CCDC171: variants seen among roughly 807,000 people sequenced by gnomAD.
The protein encoded by CCDC171 is coiled-coil domain-containing protein 171.
CCDC171 carries 177 observed loss-of-function variants against 168.2 expected under a neutral mutation model. The ratio of observed to expected loss-of-function variants is 1.05; its 90% CI spans 0.93 to 1.19. CCDC171 has a LOEUF of 1.19. Ranked by LOEUF, CCDC171 falls within the 50% of genes most tolerant of loss-of-function variation. CCDC171 has a pLI of 0.00. For missense variants in CCDC171, 1,991 were observed against 1,539.0 expected, an observed-to-expected ratio of 1.29 and a Z score of -4.91; for synonymous variants, 687 against 540.8, an observed-to-expected ratio of 1.27 and a Z score of -3.75.
At chr9:15,966,062 A>G (rs953306829) in intron 25 of CCDC171, among the ~76,000 whole-genome samples, 8 of 152,230 alleles carry the variant, frequency 5.3e-5, no homozygotes, top group African/African-American at 1.9e-4. Flanking sequence ...GTGCTAGGGT[A>G]CAAAGTCATG....
chr9:15,911,247 G>A (rs553833562), intron 24 of CCDC171, among the ~76,000 whole-genome samples: 17 of 152,272 alleles, frequency 1.1e-4, no homozygotes, highest in African/African-American at 3.4e-4. Context: ...TCCAACTGGC[G>A]TGAGATGGTA....
At chr9:16,076,266 G>A in the CCDC171 span, among the ~76,000 whole-genome samples, 1 of 152,164 alleles carries the variant, frequency 6.6e-6, no homozygotes, top group African/African-American at 2.4e-5. Flanking sequence ...GGTTACGTGG[G>A]CAAGTGCAGA....
chr9:15,928,835 A>G lies in CCDC171; in HGVS notation c.3753+8413A>G, dbSNP rs78064816. On this transcript the variant is annotated intron_variant, in intron 25 of 25. Coordinates refer to ENST00000380701, the MANE Select transcript of CCDC171 (RefSeq NM_173550.4). ...ATTTCCAAACTTTTAAAGGTTTCTC[A>G]TATTCTAGAAACTCAAGAGTTGTTT... is the stretch of plus-strand genomic sequence containing the variant. 6.3e-3 allele frequency among the ~76,000 whole-genome samples: 960 copies of G among 151,792 alleles called. 11 individuals carry two copies. Among genetic ancestry groups the G allele is most frequent in the African/African-American group, 0.022 (924 of 41,518 alleles).
downstream of CCDC171, among the ~76,000 whole-genome samples, chr9:16,064,456 G>A (rs1203441822): frequency 6.6e-6 from 1 of 152,178 alleles, no homozygotes; most frequent in African/African-American, 2.4e-5. Flanking sequence ...AGGAGAAAAT[G>A]TGTGCAGACA....
chr9:15,620,867 A>G (rs1393369876), intron 6 of CCDC171, among the ~76,000 whole-genome samples: 1 of 152,228 alleles, frequency 6.6e-6, no homozygotes, highest in Non-Finnish European at 1.5e-5. Context: ...GCAGTCATCA[A>G]CAAACATTGA....
intron 1 of CCDC171, among the ~76,000 whole-genome samples, chr9:16,056,865 A>G (rs186903600): frequency 6.6e-6 from 1 of 152,366 alleles, no homozygotes; most frequent in East Asian, 1.9e-4. Flanking sequence ...TTAAAGCAAT[A>G]TAAGCATTTA....
At chr9:15,631,500 TA>T (rs2045694366) in intron 7 of CCDC171, among the ~76,000 whole-genome samples, 1 of 152,124 alleles carries the variant, frequency 6.6e-6, no homozygotes, top group Admixed American at 6.6e-5. Flanking sequence ...AATAGACCAA[TA>T]ACAGGCTCTG....
chr9:15,739,179 A>G (rs1034543149), intron 16 of CCDC171, among the ~76,000 whole-genome samples: 6 of 152,250 alleles, frequency 3.9e-5, no homozygotes, highest in Non-Finnish European at 7.3e-5. Flanking sequence ...AATGAGTCAT[A>G]GAATAGACAG....
At chr9:15,578,506 G>A (rs1160472601) in intron 3 of CCDC171, among the ~76,000 whole-genome samples, 2 of 150,566 alleles carry the variant, frequency 1.3e-5, no homozygotes, top group East Asian at 3.9e-4. Flanking sequence ...CTGGGCTTAA[G>A]TGATCCTCCT....
intron 21 of CCDC171, among the ~76,000 whole-genome samples, chr9:15,827,207 C>T (rs2060048756): frequency 6.6e-6 from 1 of 151,964 alleles, no homozygotes. Flanking sequence ...AAATAAATAC[C>T]TTCTTTTTTC....
At chr9:15,800,660 T>C (rs970514071) in intron 21 of CCDC171, among the ~76,000 whole-genome samples, 2 of 152,128 alleles carry the variant, frequency 1.3e-5, no homozygotes, top group African/African-American at 4.8e-5. Flanking sequence ...TCTGTGCTTG[T>C]GCGATATTTC....
At chr9:16,068,047 T>G in the CCDC171 span, among the ~76,000 whole-genome samples, 1 of 150,740 alleles carries the variant, frequency 6.6e-6, no homozygotes, top group African/African-American at 2.5e-5. Flanking sequence ...TGATTGTATA[T>G]CTAGAAAACC....
upstream of CCDC171, among the ~76,000 whole-genome samples, chr9:16,040,941 C>T (rs919525728): frequency 1.3e-5 from 2 of 152,008 alleles, no homozygotes; most frequent in Admixed American, 6.6e-5. Context: ...TTGCTTTATA[C>T]ATAAGAAATA....
At chr9:15,606,149 T>C (rs1009405379) in intron 6 of CCDC171, among the ~76,000 whole-genome samples, 4 of 152,230 alleles carry the variant, frequency 2.6e-5, no homozygotes, top group African/African-American at 9.6e-5. Flanking sequence ...CTAAATATCT[T>C]ATTGTACTGT....
chr9:16,086,960 T>C, the CCDC171 span, among the ~76,000 whole-genome samples: 666 of 152,352 alleles, frequency 4.4e-3, 7 homozygotes, highest in African/African-American at 0.015. Context: ...TAAAAACTTA[T>C]TTATTTCTTC....
chr9:16,105,155 A>G, the CCDC171 span, among the ~76,000 whole-genome samples: 1 of 152,222 alleles, frequency 6.6e-6, no homozygotes, highest in Non-Finnish European at 1.5e-5. Flanking sequence ...ACATCCTATG[A>G]GACGGCAGCA....
intron 24 of CCDC171, among the ~76,000 whole-genome samples, chr9:15,904,614 T>C (rs1377604094): frequency 6.6e-6 from 1 of 152,136 alleles, no homozygotes; most frequent in Non-Finnish European, 1.5e-5. Context: ...CTGCATCAAC[T>C]AACGAGCAAA....
At position 15,954,373 on chromosome 9, in the gene CCDC171, G is replaced by C. The variant is rs566379149; in HGVS notation, c.3754-17236G>C. On this transcript the variant is annotated intron_variant, in intron 25 of 25. Coordinates refer to ENST00000380701, the MANE Select transcript of CCDC171 (RefSeq NM_173550.4). The stretch of plus-strand genomic sequence containing the variant: ...CATCTCATAAGTTTTGATATGTTGT[G>C]TTTTCATTTTCATTCATTTCTAAGT... Among the ~76,000 whole-genome samples the C allele has an allele frequency of 5.9e-5, 9 of 151,962 alleles. No individual in the cohort carries two copies. In the East Asian group the frequency reaches 1.5e-3, roughly 26 times the overall value.
At chr9:15,573,543 A>C (rs1165646793) in intron 3 of CCDC171, among the ~76,000 whole-genome samples, 1 of 152,114 alleles carries the variant, frequency 6.6e-6, no homozygotes, top group Non-Finnish European at 1.5e-5. Flanking sequence ...TGGCCTCCCA[A>C]AGTGCTGGGA....
Sources: gnomAD v4.1 joint callset for allele counts (sites outside exome capture counted in the v4.1 genomes callset) on GRCh38, gnomAD v4.1.1 for gene constraint, MANE v1.5 for transcripts, NCBI Gene and HGNC (gene_info 2026-07-23, HGNC 2026-07-21) for gene names.